ABCC10: variants seen among roughly 807,000 people sequenced by gnomAD.
The protein encoded by ABCC10 is ATP binding cassette subfamily C member 10.
In ABCC10, 110 loss-of-function variants were observed where a neutral mutation model predicts 143.2. The ratio of observed to expected loss-of-function variants is 0.77; its 90% CI spans 0.66 to 0.90. The LOEUF is 0.90. Ranked by LOEUF, ABCC10 falls within the 40% of genes least tolerant of loss-of-function variation. The pLI, the probability that ABCC10 is intolerant of heterozygous loss-of-function variation, is 0.00. For synonymous variants in ABCC10, 805 were observed against 846.7 expected (o/e 0.95, Z 0.85); for missense variants, 1,700 against 1,900.5 (o/e 0.89, Z 1.96).
Position 43,444,247 on chromosome 6 carries a change from A to G in ABCC10, c.2583A>G (p.Glu861=), listed in dbSNP as rs749314400. 2 of 1,614,160 alleles carry G rather than the reference A, an allele frequency of 1.2e-6. No homozygotes were observed. Among genetic ancestry groups the G allele is most frequent in the Non-Finnish European group, 1.7e-6 (2 of 1,180,022 alleles). ...QSTSGRLLQE[E]SKKEGAVALH... is the part of the protein sequence containing the mutation. ...CATCTGGTCGCCTGCTGCAGGAAGA[A>G]AGCAAGAAGGAGGGCGCCGTGGCCT... Residue 861 remains glutamate (E), a synonymous_variant, in exon 12 of 22, where the codon GAA becomes GAG. Transcript: ENST00000372530.
chr6:43,436,268 G>C (rs1224644572), intron 6 of ABCC10, 21 bp downstream of exon 6: 1 of 1,611,134 alleles, frequency 6.2e-7, no homozygotes, highest in Non-Finnish European at 8.5e-7. Flanking sequence ...CAGACACCCT[G>C]GGAGAGTCCT....
rs1783582033 is a variant in ABCC10, at chr6:43,449,862, G to C, written c.4317-67G>C. 2.6e-5 allele frequency: 41 copies of C among 1,563,918 alleles called. No individual in the cohort carries two copies. In the South Asian group the frequency reaches 3.8e-4, roughly 14 times the overall value. ...GTGTCCCGAGGGGAGAGGAGGGAAA[G>C]CAGGTCAGTGTTCTTACTTAGGGCA... On this transcript the variant is annotated intron_variant, in intron 21 of 21. Coordinates refer to ENST00000372530, the MANE Select transcript of ABCC10 (RefSeq NM_001198934.2).
At chr6:43,439,391 T>A (rs1288375218) in intron 8 of ABCC10, among the ~76,000 whole-genome samples, 1 of 136,142 alleles carries the variant, frequency 7.3e-6, no homozygotes, top group Admixed American at 7.9e-5. Flanking sequence ...TTTATTACTT[T>A]TTTAAAATTG....
intron 2 of ABCC10, among the ~76,000 whole-genome samples, chr6:43,430,236 A>G (rs1780983352): frequency 6.6e-6 from 1 of 151,678 alleles, no homozygotes; most frequent in Non-Finnish European, 1.5e-5. Flanking sequence ...GACTACAGGC[A>G]TGTGCCACCA....
Position 43,443,830 on chromosome 6 carries a change from G to C in ABCC10, c.2417-103G>C. The C allele has an allele frequency of 8.2e-7, 1 of 1,221,212 alleles. No homozygotes were observed. Among genetic ancestry groups the C allele is most frequent in the Non-Finnish European group, 1.2e-6 (1 of 827,144 alleles). 75.6% of individuals were successfully genotyped at this position (1,221,212 alleles called of 1,614,324 possible). ...GGTATCCTGCTAGGGTGGGTTAGAC[G>C]GGGAGGCCTGAGAGGATGAGAGGTG... On this transcript the variant is annotated intron_variant, in intron 10 of 21. Coordinates refer to ENST00000372530, the MANE Select transcript of ABCC10 (RefSeq NM_001198934.2). The surrounding 1 kb of genome is among the most constrained non-coding windows in gnomAD (Gnocchi z 4.2).
Position 43,446,400 on chromosome 6 carries a change from C to T in ABCC10, c.3498C>T (p.Ile1166=), listed in dbSNP as rs375253624. Residue 1166 remains isoleucine (I), a synonymous_variant, in exon 16 of 22, where the codon ATC becomes ATT. Transcript: ENST00000372530. ...TGGGGGCGGCAGTGGTCAGCGCTAT[C>T]GCAGGCATCGCTCTGGTGCAGCACC... ...QLMGAAVVSA[I]AGIALVQHQQ... 4.2e-5 allele frequency: 67 copies of T among 1,612,794 alleles called. No individual in the cohort carries two copies. In the African/African-American group the frequency reaches 5.5e-4, roughly 13 times the overall value.
rs759037990 is a variant in ABCC10 at position 43,444,278 on chromosome 6, G to A, written c.2614G>A (p.Val872Met). ...SKKEGAVALH[V>M]YQAYWKAVGQ... ...GAAGGAGGGCGCCGTGGCCTTGCACGTGTACCAAGCTTACTGGAAGGCCGT... is the reference window on the plus strand; with the variant it reads ...GAAGGAGGGCGCCGTGGCCTTGCACATGTACCAAGCTTACTGGAAGGCCGT... Residue 872 changes from valine (V) to methionine (M), a missense_variant, in exon 12 of 22, where the codon GTG (valine) becomes ATG (methionine). Coordinates refer to ENST00000372530, the MANE Select transcript of ABCC10 (RefSeq NM_001198934.2). The A allele has an allele frequency of 1.4e-5, 22 of 1,614,014 alleles. No individual in the cohort carries two copies. The highest frequency in any genetic ancestry group is 5.5e-5 in the South Asian group (5 of 91,092).
At position 43,443,257 on chromosome 6, in the gene ABCC10, G is replaced by C; in HGVS notation, c.2416+98G>C. ...CTGCCCCCTGCTGCATGTGTGCCCT[G>C]AGCCAGTCATTGCTGCCTCCCGCCT... On this transcript the variant is annotated intron_variant, in intron 10 of 21. Coordinates refer to ENST00000372530, the MANE Select transcript of ABCC10 (RefSeq NM_001198934.2). This position sits in a 1 kb window ranked among gnomAD's most constrained non-coding sequence, Gnocchi z 4.2. The C allele has an allele frequency of 7.8e-7, 1 of 1,278,670 alleles. No individual in the cohort carries two copies. The highest frequency in any genetic ancestry group is 1.6e-5 in the South Asian group (1 of 61,602). 79.2% of individuals were successfully genotyped at this position (1,278,670 alleles called of 1,614,324 possible). A position where few individuals can be genotyped will look rare whatever the true frequency, so the allele number is the denominator to read the frequency against.
At chr6:43,449,226 T>C (rs1783479249) in intron 20 of ABCC10, 22 bp downstream of exon 20, 2 of 1,612,112 alleles carry the variant, frequency 1.2e-6, no homozygotes, top group Non-Finnish European at 1.7e-6. Context: ...GAAAGAGACA[T>C]TAGAGAGGGC....
At position 43,436,160 on chromosome 6, in the gene ABCC10, A is replaced by G. The variant is rs375955404; in HGVS notation, c.1788A>G (p.Thr596=). ...CAGATCCCCCTGCAGAGCCATCTAC[A>G]GTATTGGAGCTGCATGGAGCCTTGT... ...YSPDPPAEPS[T]VLELHGALFS... The change falls in exon 6 of 22, where the codon ACA becomes ACG. Residue 596 remains threonine, a synonymous_variant. Coordinates refer to ENST00000372530, the MANE Select transcript of ABCC10 (RefSeq NM_001198934.2). The G allele has an allele frequency of 3.1e-5, 50 of 1,614,070 alleles. No individual in the cohort carries two copies. The highest frequency in any genetic ancestry group is 4.0e-5 in the Non-Finnish European group (47 of 1,180,026).
At chr6:43,427,845 G>A (rs746539483) in intron 1 of ABCC10, 88 bp downstream of exon 1, 1 of 1,126,022 alleles carries the variant, frequency 8.9e-7, no homozygotes, top group East Asian at 2.4e-5. Context: ...GTCTGGCTTC[G>A]GGGCGGAAGC....
intron 17 of ABCC10, 62 bp from the exon 18 acceptor site, chr6:43,447,622 A>T: frequency 1.3e-6 from 2 of 1,599,020 alleles, no homozygotes; most frequent in South Asian, 2.2e-5. Flanking sequence ...CCTCCTCACC[A>T]TCGCTCCTCA....
chr6:43,444,335 T>C lies in ABCC10; in HGVS notation c.2671T>C (p.Ser891Pro). Reference protein sequence around the residue: ...GQGLALAILFSLLLMQATRNA... With the variant: ...GQGLALAILFPLLLMQATRNA... The stretch of plus-strand genomic sequence containing the variant: ...GGGCTTGGCCTTAGCCATCCTCTTC[T>C]CTCTGCTTCTCATGCAAGGTGAGAG... The change falls in exon 12 of 22, where the codon TCT becomes CCT. Residue 891 changes from serine (S) to proline (P), a missense_variant. Physicochemically the swap from Ser to Pro is moderately conservative, Grantham distance 74. Coordinates refer to ENST00000372530, the MANE Select transcript of ABCC10 (RefSeq NM_001198934.2). 1 of 1,607,832 alleles carries C rather than the reference T, an allele frequency of 6.2e-7. No homozygotes were observed. Among genetic ancestry groups the C allele is most frequent in the Non-Finnish European group, 8.5e-7 (1 of 1,177,404 alleles).
At position 43,440,918 on chromosome 6, in the gene ABCC10, CAAAAA is replaced by C. The variant is rs10715690; in HGVS notation, c.2128-936_2128-932del. The stretch of plus-strand genomic sequence containing the variant: ...GCAATATGGTAAAATCTCTTCTCTA[CAAAAA>C]AAAAAAACAAACAAACAAAAAAAAC... On this transcript the variant is annotated intron_variant, in intron 8 of 21. Transcript: ENST00000372530. Among the ~76,000 whole-genome samples the C allele has an allele frequency of 2.1e-3, 287 of 137,484 alleles. 1 individual carries two copies. The highest frequency in any genetic ancestry group is 7.5e-3 in the African/African-American group (275 of 36,618). 90.2% of individuals were successfully genotyped at this position (137,484 alleles called of 152,430 possible).
chr6:43,447,630 T>G, intron 17 of ABCC10, 54 bp from the exon 18 acceptor site: 1 of 1,605,120 alleles, frequency 6.2e-7, no homozygotes, highest in South Asian at 1.1e-5. Context: ...CCATCGCTCC[T>G]CATCTCCCCT....
In ABCC10 at chr6:43,450,178, C is replaced by A. The variant is rs1783621417; in HGVS notation, c.*87C>A. 2 of 1,434,544 alleles carry A rather than the reference C, an allele frequency of 1.4e-6. No individual in the cohort carries two copies. The highest frequency in any genetic ancestry group is 2.7e-5 in the South Asian group (2 of 73,596). The allele number at this position is 1,434,544 out of a possible 1,614,324, so 88.9% of individuals were successfully genotyped here. A position where few individuals can be genotyped will look rare whatever the true frequency, so the allele number is the denominator to read the frequency against. On this transcript the variant is annotated 3_prime_UTR_variant, in exon 22 of 22. Transcript: ENST00000372530. The surrounding 1 kb of genome is among the most constrained non-coding windows in gnomAD (Gnocchi z 4.5). ...GGTGCTGGCTGCTTGTTTACATTCT[C>A]CTCTGGGGCTCTACCTCTCCACACT...
At chr6:43,451,944 C>T, downstream of ABCC10, 2 of 1,614,066 alleles carry the variant, frequency 1.2e-6, 1 homozygote, top group South Asian at 2.2e-5. The surrounding 1 kb of genome is among the most constrained non-coding windows in gnomAD (Gnocchi z 4.4). Flanking sequence ...ACTCACCCTG[C>T]CTGTTCACAG....
Position 43,447,326 on chromosome 6 carries a change from C to A in ABCC10, c.3623C>A (p.Thr1208Lys). 6.2e-7 allele frequency: 1 copy of A among 1,613,698 alleles called. No individual in the cohort carries two copies. The highest frequency in any genetic ancestry group is 8.5e-7 in the Non-Finnish European group (1 of 1,180,016). Reference sequence around the variant, plus strand: ...GGCCTGGTGAGCAGCTTCACACAGACAGAGGCCATGCTGGTGAGCGTCGAG... The same window carrying A: ...GGCCTGGTGAGCAGCTTCACACAGAAAGAGGCCATGCTGGTGAGCGTCGAG... ...LSGLVSSFTQ[T>K]EAMLVSVERL... Residue 1208 changes from threonine to lysine, a missense_variant, in exon 17 of 22, where the codon ACA becomes AAA. Coordinates refer to ENST00000372530, the MANE Select transcript of ABCC10 (RefSeq NM_001198934.2).
chr6:43,432,502 G>A lies in ABCC10; in HGVS notation c.522G>A (p.Leu174=). The change falls in exon 3 of 22, where the codon TTG becomes TTA. Residue 174 remains leucine, a synonymous_variant. Coordinates refer to ENST00000372530, the MANE Select transcript of ABCC10 (RefSeq NM_001198934.2). ...LLPGPMARLC[L]LILQLAALLA... ...CAGGGCCCATGGCCCGCCTATGCTT[G>A]CTCATCCTGCAGCTGGCTGCACTCT... 2 of 1,612,126 alleles carry A rather than the reference G, an allele frequency of 1.2e-6. No individual in the cohort carries two copies. Among genetic ancestry groups the A allele is most frequent in the Non-Finnish European group, 1.7e-6 (2 of 1,180,032 alleles).
Sources: allele counts gnomAD v4.1 joint callset (sites outside exome capture counted in the v4.1 genomes callset), GRCh38; gene constraint gnomAD v4.1.1; non-coding constraint Gnocchi (gnomAD v3.1); transcripts MANE v1.5; gene names NCBI Gene and HGNC (gene_info 2026-07-23, HGNC 2026-07-21).